ACAP2: variants seen among roughly 807,000 people sequenced by gnomAD.
ACAP2 encodes arf-GAP with coiled-coil, ANK repeat and PH domain-containing protein 2.
In ACAP2, 39 loss-of-function variants were observed where a neutral mutation model predicts 115.8. The ratio of observed to expected loss-of-function variants is 0.34; its 90% CI spans 0.26 to 0.44. The LOEUF (loss-of-function observed/expected upper bound fraction) is 0.44, where lower values mean the gene tolerates loss of function less well. ACAP2 is among the 20% of genes least tolerant of loss of function. The probability of loss-of-function intolerance (pLI) is 1.00; values close to 1 mark genes in which losing one functional copy is unlikely to be tolerated. For missense variants in ACAP2, 662 were observed against 927.6 expected (o/e 0.71, Z 3.72); for synonymous variants, 289 against 315.8 (o/e 0.92, Z 0.90).
In ACAP2 at chr3:195,381,947, T is replaced by C. The variant is rs767598111; in HGVS notation, c.187A>G (p.Ile63Val). 1.6e-5 allele frequency: 25 copies of C among 1,612,522 alleles called. No individual in the cohort carries two copies. Among genetic ancestry groups the C allele is most frequent in the African/African-American group, 2.7e-5 (2 of 74,738 alleles). ...CTAGAATACTGAGCCAGGTCTCGAA[T>C]CCCATTCATGAACTGTTTATTTGCA... ...CVANKQFMNG[I>V]RDLAQYSSND... The change falls in exon 3 of 23, where the codon ATT (isoleucine) becomes GTT (valine). Residue 63 changes from isoleucine (I) to valine (V), a missense_variant. This residue lies in a region of ACAP2 where 401 missense variants were observed against 604.4 expected (regional missense o/e 0.66). Coordinates refer to ENST00000326793, the MANE Select transcript of ACAP2 (RefSeq NM_012287.6).
intron 4 of ACAP2, among the ~76,000 whole-genome samples, chr3:195,358,236 T>C (rs375050084): frequency 1.3e-5 from 2 of 152,192 alleles, no homozygotes; most frequent in Admixed American, 1.3e-4. Context: ...TAGGTTTGAA[T>C]ACTTGGATAG....
At chr3:195,350,434 C>T (rs1731479477) in intron 4 of ACAP2, among the ~76,000 whole-genome samples, 1 of 151,852 alleles carries the variant, frequency 6.6e-6, no homozygotes, top group African/African-American at 2.4e-5. Context: ...ATCACTTGAG[C>T]CCAGGAGTTG....
At chr3:195,403,232 C>T (rs114789527) in intron 1 of ACAP2, among the ~76,000 whole-genome samples, 3,884 of 152,234 alleles carry the variant, frequency 0.026, 145 homozygotes, top group African/African-American at 0.084. Flanking sequence ...GAGGCCTGTA[C>T]GGCCGAAACA....
intron 3 of ACAP2, 38 bp downstream of exon 3, chr3:195,381,861 CTTTT>C: frequency 7.2e-7 from 1 of 1,386,068 alleles, no homozygotes; most frequent in South Asian, 1.4e-5. Flanking sequence ...TGTCTTATTG[CTTTT>C]TTTTTTCATT....
intron 18 of ACAP2, among the ~76,000 whole-genome samples, chr3:195,292,921 C>CAAAAAAAA (rs3988217): frequency 1.3e-5 from 1 of 76,718 alleles, no homozygotes; most frequent in Non-Finnish European, 2.4e-5. Context: ...GACTCAGTCT[C>CAAAAAAAA]AAAAAAAAAA....
rs546393680 is a variant in ACAP2 at position 195,309,073 on chromosome 3, A to G, written c.858-236T>C. On this transcript the variant is annotated intron_variant, in intron 10 of 22. Transcript: ENST00000326793. Reference sequence around the variant, plus strand: ...AAAGTACTACATTTTGATTAATTTCATGTCATAAATTTACATCCTAACAAA... The same window carrying G: ...AAAGTACTACATTTTGATTAATTTCGTGTCATAAATTTACATCCTAACAAA... 3.3e-5 allele frequency among the ~76,000 whole-genome samples: 5 copies of G among 152,358 alleles called. No homozygotes were observed. The East Asian group carries it at 9.6e-4, about 29-fold the overall frequency.
intron 21 of ACAP2, among the ~76,000 whole-genome samples, chr3:195,287,404 A>ATT (rs34303835): frequency 6.8e-6 from 1 of 147,804 alleles, no homozygotes. Context: ...CACGTAAATA[A>ATT]TTTTTTTTTT....
At chr3:195,382,130 G>T in intron 2 of ACAP2, 108 bp from the exon 3 acceptor site, 1 of 1,004,476 alleles carries the variant, frequency 1.0e-6, no homozygotes, top group Non-Finnish European at 1.5e-6. Flanking sequence ...AGTTCAATTT[G>T]TTTCATCGAT....
In ACAP2 at chr3:195,280,124, T is replaced by G. The variant is rs139723691; in HGVS notation, c.2237-696A>C. Among the ~76,000 whole-genome samples the G allele has an allele frequency of 3.6e-3, 553 of 151,964 alleles. 3 individuals carry two copies. The highest frequency in any genetic ancestry group is 6.7e-3 in the Non-Finnish European group (455 of 67,926). On this transcript the variant is annotated intron_variant, in intron 22 of 22. Coordinates refer to ENST00000326793, the MANE Select transcript of ACAP2 (RefSeq NM_012287.6). The stretch of plus-strand genomic sequence containing the variant: ...GTTGAGGCCAGGAGTTCAAGACCAG[T>G]CTGGGCAACATAGCGAGACTACATC...
intron 5 of ACAP2, among the ~76,000 whole-genome samples, chr3:195,344,963 G>A (rs1368598164): frequency 6.6e-6 from 1 of 152,120 alleles, no homozygotes; most frequent in Non-Finnish European, 1.5e-5. Flanking sequence ...TTGCTTTGAT[G>A]GTGAAAGAAC....
chr3:195,384,998 A>T (rs1734198916), intron 2 of ACAP2, among the ~76,000 whole-genome samples: 1 of 152,210 alleles, frequency 6.6e-6, no homozygotes, highest in Admixed American at 6.5e-5. Flanking sequence ...TGTCATACTT[A>T]AACATCTAAG....
intron 10 of ACAP2, 45 bp downstream of exon 10, chr3:195,320,656 A>G (rs760192066): frequency 4.6e-5 from 64 of 1,390,430 alleles, no homozygotes; most frequent in Non-Finnish European, 5.8e-5. Context: ...AAGTCAGAAA[A>G]TCAAAACTAT....
intron 14 of ACAP2, 106 bp from the exon 15 acceptor site, chr3:195,301,750 C>A (rs538017497): frequency 1.7e-6 from 2 of 1,159,724 alleles, no homozygotes; most frequent in Admixed American, 2.2e-5. Flanking sequence ...TCGGCATACA[C>A]ATATAGGCAC....
chr3:195,307,315 C>T lies in ACAP2; in HGVS notation c.918G>A (p.Pro306=), dbSNP rs201849635. 1.4e-5 allele frequency: 22 copies of T among 1,611,116 alleles called. No homozygotes were observed. The highest frequency in any genetic ancestry group is 1.8e-5 in the Non-Finnish European group (21 of 1,178,068). ...GCCTGAGGTCTTCAACTACCACAGT[C>T]GGATTATCCTATAGTGAGGAAACCA... The part of the protein sequence containing the change: ...LVYQKKFKDN[P]TVVVEDLRLC... Residue 306 remains proline (P), a synonymous_variant, in exon 12 of 23, where the codon CCG becomes CCA. Coordinates refer to ENST00000326793, the MANE Select transcript of ACAP2 (RefSeq NM_012287.6).
At chr3:195,422,748 C>CT (rs1714288400) in intron 1 of ACAP2, among the ~76,000 whole-genome samples, 1 of 152,092 alleles carries the variant, frequency 6.6e-6, no homozygotes, top group African/African-American at 2.4e-5. Context: ...TCTTTAAGAG[C>CT]TTCTCACTAT....
chr3:195,331,241 C>A (rs2108624817), intron 8 of ACAP2, among the ~76,000 whole-genome samples: 1 of 152,218 alleles, frequency 6.6e-6, no homozygotes, highest in Non-Finnish European at 1.5e-5. Flanking sequence ...CGTCTCAACA[C>A]ACACACACAC....
rs1209351579 is a variant in ACAP2 at position 195,347,785 on chromosome 3, A to G, written c.286-2468T>C. 2.0e-5 allele frequency among the ~76,000 whole-genome samples: 3 copies of G among 152,286 alleles called. No individual in the cohort carries two copies. The East Asian group carries it at 5.8e-4, about 29-fold the overall frequency. On this transcript the variant is annotated intron_variant, in intron 4 of 22. Transcript: ENST00000326793. Reference sequence around the variant, plus strand: ...TACTTTGGGAGCCCAAGGTTGGAGGATCCCATGAGGCCAGGAGTTCAAGAT... The same window carrying G: ...TACTTTGGGAGCCCAAGGTTGGAGGGTCCCATGAGGCCAGGAGTTCAAGAT...
At chr3:195,371,403 A>G (rs1733130835) in intron 4 of ACAP2, among the ~76,000 whole-genome samples, 1 of 152,020 alleles carries the variant, frequency 6.6e-6, no homozygotes, top group Non-Finnish European at 1.5e-5. Context: ...TTTGCATGTT[A>G]TGTATCCTGA....
Position 195,279,378 on chromosome 3 carries a change from T to C in ACAP2, c.2287A>G (p.Asn763Asp). The C allele has an allele frequency of 6.2e-7, 1 of 1,607,074 alleles. No homozygotes were observed. The highest frequency in any genetic ancestry group is 8.5e-7 in the Non-Finnish European group (1 of 1,178,206). Residue 763 changes from asparagine (N) to aspartate (D), a missense_variant, in exon 23 of 23, where the codon AAT (asparagine) becomes GAT (aspartate). Around this residue, in one of 3 missense-constraint regions of ACAP2, gnomAD observed 128 missense variants for 200.2 expected, o/e 0.64. Coordinates refer to ENST00000326793, the MANE Select transcript of ACAP2 (RefSeq NM_012287.6). ...IFRDFSQMAS[N>D]NPEKLNRFQQ... is the part of the protein sequence containing the mutation. ...AAACGATTTAGTTTCTCTGGATTATTGGATGCCATTTGGGAAAAATCACGA... is the reference window on the plus strand; with the variant it reads ...AAACGATTTAGTTTCTCTGGATTATCGGATGCCATTTGGGAAAAATCACGA...
Sources: allele counts gnomAD v4.1 joint callset (sites outside exome capture counted in the v4.1 genomes callset), GRCh38; gene constraint gnomAD v4.1.1; regional missense constraint gnomAD v4.1.1; transcripts MANE v1.5; gene names NCBI Gene and HGNC (gene_info 2026-07-23, HGNC 2026-07-21).